PLAU: variants seen among roughly 807,000 people sequenced by gnomAD.
PLAU encodes the protein urokinase-type plasminogen activator.
PLAU carries 32 observed loss-of-function variants against 48.9 expected under a neutral mutation model. That is an observed-to-expected ratio of 0.65 (90% CI 0.49 to 0.88). The LOEUF (loss-of-function observed/expected upper bound fraction) is 0.88. PLAU is among the 40% of genes least tolerant of loss of function. The pLI, the probability that PLAU is intolerant of heterozygous loss-of-function variation, is 0.00. For missense variants in PLAU, 455 were observed against 545.2 expected (o/e 0.83, Z 1.65); for synonymous variants, 199 against 205.7 (o/e 0.97, Z 0.28).
In PLAU at chr10:73,914,646, C is replaced by T. The variant is rs138262122; in HGVS notation, c.830-130C>T. 618 of 832,366 alleles carry T rather than the reference C, an allele frequency of 7.4e-4. 2 individuals are homozygous for T. In the African/African-American group the frequency reaches 7.7e-3, roughly 10 times the overall value. The allele number at this position is 832,366 out of a possible 1,614,324, so 51.6% of individuals were successfully genotyped here. On this transcript the variant is annotated intron_variant, in intron 8 of 10. Coordinates refer to ENST00000372764, the MANE Select transcript of PLAU (RefSeq NM_002658.6). The stretch of plus-strand genomic sequence containing the variant: ...GCAGGGGAGGTTTCCAGGTGATAAG[C>T]GACCAGCAGACCTCCCTGGATGACT...
chr10:73,914,893 C>G lies in PLAU; in HGVS notation c.947C>G (p.Thr316Ser). 1.2e-6 allele frequency: 2 copies of G among 1,614,188 alleles called. No homozygotes were observed. The highest frequency in any genetic ancestry group is 1.7e-6 in the Non-Finnish European group (2 of 1,180,022). Reference sequence around the variant, plus strand: ...CAGTTTGGCACAAGCTGTGAGATCACTGGCTTTGGAAAAGAGAATTCTAGT... The same window carrying G: ...CAGTTTGGCACAAGCTGTGAGATCAGTGGCTTTGGAAAAGAGAATTCTAGT... ...DPQFGTSCEI[T>S]GFGKENSTDY... is the part of the protein sequence containing the mutation. Residue 316 changes from threonine (T) to serine (S), a missense_variant, in exon 9 of 11, where the codon ACT (threonine) becomes AGT (serine). By Grantham distance (58) the Thr-to-Ser change is moderately conservative. Coordinates refer to ENST00000372764, the MANE Select transcript of PLAU (RefSeq NM_002658.6).
rs2096138674 is a variant in PLAU, at chr10:73,917,097, A to G, written c.*532A>G. ...AATATATATGTGTGTGTATGTTTGC[A>G]CACTTGTGTGTGGGCTGTGAGTGTA... On this transcript the variant is annotated 3_prime_UTR_variant, in exon 11 of 11. Transcript: ENST00000372764. 6.4e-6 allele frequency: 1 copy of G among 155,784 alleles called. No individual in the cohort carries two copies. Among genetic ancestry groups the G allele is most frequent in the Non-Finnish European group, 1.4e-5 (1 of 69,826 alleles). The allele number at this position is 155,784 out of a possible 1,614,324, so 9.7% of individuals were successfully genotyped here. A position where few individuals can be genotyped will look rare whatever the true frequency, so the allele number is the denominator to read the frequency against.
At chr10:73,916,297 C>G (rs1565611899) in intron 10 of PLAU, 92 bp from the exon 11 acceptor site, 2 of 1,154,304 alleles carry the variant, frequency 1.7e-6, no homozygotes, top group Non-Finnish European at 2.5e-6. Context: ...GACTGGGAAA[C>G]TCTTCCCTCT....
At chr10:73,915,648 A>C (rs2096135216) in intron 10 of PLAU, among the ~76,000 whole-genome samples, 1 of 152,166 alleles carries the variant, frequency 6.6e-6, no homozygotes, top group South Asian at 2.1e-4. Flanking sequence ...GTAAAAGACA[A>C]TGTAACTCAG....
At chr10:73,910,121 TA>T (rs1168404936), upstream of PLAU, 5 of 152,242 alleles carry the variant, frequency 3.3e-5, no homozygotes, top group African/African-American at 9.6e-5. Flanking sequence ...ATGTGCTTTT[TA>T]AAATGTTAAG....
chr10:73,913,191 C>G, intron 5 of PLAU, 93 bp downstream of exon 5: 1 of 1,576,016 alleles, frequency 6.3e-7, no homozygotes, highest in South Asian at 1.1e-5. Flanking sequence ...GGCCATAGCA[C>G]AAGAGAAGTG....
Position 73,914,120 on chromosome 10 carries a change from A to G in PLAU, c.821A>G (p.Asn274Ser), listed in dbSNP as rs895381289. ...DYSADTLAHH[N>S]DIALLKIRSK... Reference sequence around the variant, plus strand: ...AGCGCTGACACGCTTGCTCACCACAACGACATTGGTGAGGGGGAACCCCGC... The same window carrying G: ...AGCGCTGACACGCTTGCTCACCACAGCGACATTGGTGAGGGGGAACCCCGC... Residue 274 changes from asparagine to serine, a missense_variant, in exon 8 of 11, where the codon AAC (asparagine) becomes AGC (serine). Transcript: ENST00000372764. 1.2e-6 allele frequency: 2 copies of G among 1,613,976 alleles called. No individual in the cohort carries two copies. The highest frequency in any genetic ancestry group is 3.3e-5 in the Admixed American group (2 of 60,014).
chr10:73,910,168 C>T (rs1484638894), upstream of PLAU: 1 of 152,144 alleles, frequency 6.6e-6, no homozygotes, highest in Non-Finnish European at 1.5e-5. Flanking sequence ...ATAAATCTTC[C>T]TCTTATTTTG....
chr10:73,912,067 A>G lies in PLAU; in HGVS notation c.84A>G (p.Pro28=), dbSNP rs757266930. 6.2e-7 allele frequency: 1 copy of G among 1,607,976 alleles called. No homozygotes were observed. The highest frequency in any genetic ancestry group is 8.5e-7 in the Non-Finnish European group (1 of 1,176,294). ...SKGSNELHQV[P]SNCDCLNGGT... ...GCAGCAATGAACTTCATCAAGTTCC[A>G]TGTGAGTATCCACCCCTACAACAGT... is the stretch of plus-strand genomic sequence containing the variant. Residue 28 remains proline (P), a splice_region_variant and synonymous_variant, in exon 3 of 11, where the codon CCA becomes CCG. Coordinates refer to ENST00000372764, the MANE Select transcript of PLAU (RefSeq NM_002658.6).
chr10:73,914,956 G>A, intron 9 of PLAU, 40 bp downstream of exon 9: 4 of 1,605,956 alleles, frequency 2.5e-6, no homozygotes, highest in East Asian at 2.2e-5. Flanking sequence ...GTCCTGAGGA[G>A]TGTTTTGACC....
chr10:73,916,282 A>ACTTTTT, intron 10 of PLAU, 107 bp from the exon 11 acceptor site: 1 of 987,526 alleles, frequency 1.0e-6, no homozygotes, highest in Non-Finnish European at 1.6e-6. Context: ...GTCGCTAAGG[A>ACTTTTT]CTTTGACTGG....
rs1275215375 is a variant in PLAU at position 73,914,862 on chromosome 10, G to A, written c.916G>A (p.Asp306Asn). 5.6e-6 allele frequency: 9 copies of A among 1,614,048 alleles called. No individual in the cohort carries two copies. The highest frequency in any genetic ancestry group is 6.8e-6 in the Non-Finnish European group (8 of 1,180,016). The part of the protein sequence containing the change: ...QTICLPSMYN[D>N]PQFGTSCEIT... ...CATCTGCCTGCCCTCGATGTATAAC[G>A]ATCCCCAGTTTGGCACAAGCTGTGA... is the stretch of plus-strand genomic sequence containing the variant. Residue 306 changes from aspartate to asparagine, a missense_variant, in exon 9 of 11, where the codon GAT becomes AAT. Transcript: ENST00000372764.
rs148333167 is a variant in PLAU, at chr10:73,915,372, C to T, written c.1092C>T (p.Asp364=). 1,135 of 1,610,598 alleles carry T rather than the reference C, an allele frequency of 7.0e-4. 5 individuals carry two copies. The African/African-American group carries it at 0.013, about 19-fold the overall frequency. ...CCACCAAAATGCTGTGTGCTGCTGACCCACAGTGGAAAACAGATTCCTGCC... is the reference window on the plus strand; with the variant it reads ...CCACCAAAATGCTGTGTGCTGCTGATCCACAGTGGAAAACAGATTCCTGCC... ...EVTTKMLCAA[D]PQWKTDSCQG... The change falls in exon 10 of 11, where the codon GAC becomes GAT. Residue 364 remains aspartate, a synonymous_variant. Coordinates refer to ENST00000372764, the MANE Select transcript of PLAU (RefSeq NM_002658.6).
rs2096127871 is a variant in PLAU, at chr10:73,912,976, C to T, written c.246C>T (p.Ala82=). The change falls in exon 5 of 11, where the codon GCC becomes GCT. Residue 82 remains alanine (A), a synonymous_variant. Transcript: ENST00000372764. ...ATGGTCACTTTTACCGAGGAAAGGC[C>T]AGCACTGACACCATGGGCCGGCCCT... ...EGNGHFYRGK[A]STDTMGRPCL... 6.2e-7 allele frequency: 1 copy of T among 1,614,122 alleles called. No homozygotes were observed. The highest frequency in any genetic ancestry group is 1.3e-5 in the African/African-American group (1 of 75,040).
chr10:73,913,677 A>G lies in PLAU; in HGVS notation c.599A>G (p.His200Arg). Residue 200 changes from histidine (H) to arginine (R), a missense_variant, in exon 7 of 11, where the codon CAC becomes CGC. Transcript: ENST00000372764. ...QPWFAAIYRR[H>R]RGGSVTYVCG... Reference sequence around the variant, plus strand: ...TGGTTTGCGGCCATCTACAGGAGGCACCGGGGGGGCTCTGTCACCTACGTG... The same window carrying G: ...TGGTTTGCGGCCATCTACAGGAGGCGCCGGGGGGGCTCTGTCACCTACGTG... 1 of 1,613,550 alleles carries G rather than the reference A, an allele frequency of 6.2e-7. No homozygotes were observed. Among genetic ancestry groups the G allele is most frequent in the Non-Finnish European group, 8.5e-7 (1 of 1,179,906 alleles).
intron 2 of PLAU, 192 bp from the exon 3 acceptor site, chr10:73,911,849 T>C (rs2096124957): frequency 2.6e-6 from 4 of 1,552,390 alleles, no homozygotes; most frequent in Non-Finnish European, 3.5e-6. Flanking sequence ...ATCTGGTAGA[T>C]GAAGCTTGCT....
rs1347448495 is a variant in PLAU at position 73,912,196 on chromosome 10, C to G, written c.86-19C>G. On this transcript the variant is annotated intron_variant, in intron 3 of 10. Transcript: ENST00000372764. Reference sequence around the variant, plus strand: ...CCACTTCCACTCCCCCTCGCTTACCCCACCTTTGTTCTCTCCAGCGAACTG... The same window carrying G: ...CCACTTCCACTCCCCCTCGCTTACCGCACCTTTGTTCTCTCCAGCGAACTG... 3.1e-6 allele frequency: 5 copies of G among 1,614,202 alleles called. No homozygotes were observed. Among genetic ancestry groups the G allele is most frequent in the Non-Finnish European group, 4.2e-6 (5 of 1,180,038 alleles).
In PLAU at chr10:73,916,849, A is replaced by G. The variant is rs1404348863; in HGVS notation, c.*284A>G. 5.1e-6 allele frequency: 2 copies of G among 392,552 alleles called. No homozygotes were observed. The highest frequency in any genetic ancestry group is 9.2e-6 in the Non-Finnish European group (2 of 216,352). 24.3% of individuals were successfully genotyped at this position (392,552 alleles called of 1,614,324 possible). On this transcript the variant is annotated 3_prime_UTR_variant, in exon 11 of 11. Transcript: ENST00000372764. ...TCTGGACTGAAGCCTGCAGGAGTTA[A>G]AAAGGGCAGGGCATCTCCTGTGCAT...
In PLAU at chr10:73,914,036, C is replaced by T; in HGVS notation, c.737C>T (p.Ser246Phe). The T allele has an allele frequency of 6.2e-7, 1 of 1,613,890 alleles. No homozygotes were observed. Among genetic ancestry groups the T allele is most frequent in the Non-Finnish European group, 8.5e-7 (1 of 1,179,734 alleles). Residue 246 changes from serine (S) to phenylalanine (F), a missense_variant, in exon 8 of 11, where the codon TCC (serine) becomes TTC (phenylalanine). By Grantham distance (155) the Ser-to-Phe change is radical. Transcript: ENST00000372764. Reference protein sequence around the residue: ...IVYLGRSRLNSNTQGEMKFEV... With the variant: ...IVYLGRSRLNFNTQGEMKFEV... The stretch of plus-strand genomic sequence containing the variant: ...TACCTGGGTCGCTCAAGGCTTAACT[C>T]CAACACGCAAGGGGAGATGAAGTTT...
Sources: gnomAD v4.1 joint callset for allele counts (sites outside exome capture counted in the v4.1 genomes callset) on GRCh38, gnomAD v4.1.1 for gene constraint, MANE v1.5 for transcripts, NCBI Gene and HGNC (gene_info 2026-07-23, HGNC 2026-07-21) for gene names.